UBE3A: variants seen among roughly 807,000 people sequenced by gnomAD.
The protein encoded by UBE3A is ubiquitin protein ligase E3A.
Under a neutral mutation model 83.4 loss-of-function variants are expected in UBE3A, and 6 were observed. That is an observed-to-expected ratio of 0.07 (90% CI 0.04 to 0.14). UBE3A has a LOEUF of 0.14. UBE3A is among the 10% of genes least tolerant of loss of function. The pLI is 1.00. For missense variants in UBE3A, 456 were observed against 1,036.1 expected (o/e 0.44, Z 7.69); for synonymous variants, 337 against 355.4 (o/e 0.95, Z 0.58).
intron 4 of UBE3A, among the ~76,000 whole-genome samples, chr15:25,402,011 A>G (rs1179931700): frequency 1.3e-5 from 2 of 152,096 alleles, no homozygotes; most frequent in African/African-American, 4.8e-5. Context: ...ATTACTTTGA[A>G]TTCTTTGTCA....
intron 1 of UBE3A, among the ~76,000 whole-genome samples, chr15:25,414,144 G>A (rs1411102997): frequency 6.6e-6 from 1 of 152,014 alleles, no homozygotes; most frequent in Non-Finnish European, 1.5e-5. Flanking sequence ...TACATTCAAC[G>A]TATCTAATAT....
chr15:25,368,195 CAT>C (rs1371916681), intron 6 of UBE3A, among the ~76,000 whole-genome samples: 3 of 152,084 alleles, frequency 2.0e-5, no homozygotes, highest in Non-Finnish European at 4.4e-5. Context: ...TTTGAGCTTT[CAT>C]ATGAGAGAAT....
At chr15:25,361,243 A>C (rs2078046533) in intron 6 of UBE3A, among the ~76,000 whole-genome samples, 1 of 151,252 alleles carries the variant, frequency 6.6e-6, no homozygotes, top group South Asian at 2.1e-4. Flanking sequence ...CTCCTGCCTC[A>C]GCCTCCTGAG....
At chr15:25,354,315 G>A (rs756202981) in intron 11 of UBE3A, 38 bp downstream of exon 11, 1 of 1,596,926 alleles carries the variant, frequency 6.3e-7, no homozygotes, top group South Asian at 1.1e-5. Flanking sequence ...CACCCCTTTG[G>A]TGAATCAAAT....
intron 4 of UBE3A, among the ~76,000 whole-genome samples, chr15:25,403,398 T>C (rs1241676015): frequency 6.6e-6 from 1 of 152,134 alleles, no homozygotes; most frequent in Non-Finnish European, 1.5e-5. Flanking sequence ...TACAGTAACA[T>C]ACTACCTTAT....
At chr15:25,356,937 T>C (rs774704374) in intron 7 of UBE3A, 41 bp from the exon 8 acceptor site, 6 of 1,517,370 alleles carry the variant, frequency 4.0e-6, no homozygotes, top group Non-Finnish European at 5.5e-6. Flanking sequence ...CTTTTGTATT[T>C]TATTAAGGAC....
At chr15:25,385,302 T>C (rs1234794751) in intron 4 of UBE3A, among the ~76,000 whole-genome samples, 1 of 152,192 alleles carries the variant, frequency 6.6e-6, no homozygotes, top group Non-Finnish European at 1.5e-5. Context: ...TAGTCATTTT[T>C]CCAAAGAATA....
chr15:25,374,470 T>C (rs911096218), intron 5 of UBE3A: 3 of 152,248 alleles, frequency 2.0e-5, no homozygotes, highest in African/African-American at 7.2e-5. Flanking sequence ...TGACACACTA[T>C]ATATACAGAC....
intron 1 of UBE3A, among the ~76,000 whole-genome samples, chr15:25,436,172 G>C (rs750015957): frequency 5.3e-5 from 8 of 152,168 alleles, no homozygotes; most frequent in Non-Finnish European, 1.0e-4. Flanking sequence ...TCAAAAAGCA[G>C]TCAAAAAACT....
chr15:25,430,965 T>C (rs535387214), intron 1 of UBE3A, among the ~76,000 whole-genome samples: 82 of 152,292 alleles, frequency 5.4e-4, no homozygotes, highest in African/African-American at 1.9e-3. Context: ...ATTTTTACAA[T>C]ATTTGAAATA....
chr15:25,406,535 C>T (rs2088587043), intron 3 of UBE3A, among the ~76,000 whole-genome samples: 1 of 152,014 alleles, frequency 6.6e-6, no homozygotes, highest in Non-Finnish European at 1.5e-5. Context: ...ATATTGATTT[C>T]TAACACTTAG....
intron 6 of UBE3A, among the ~76,000 whole-genome samples, chr15:25,363,988 T>C (rs943242210): frequency 2.0e-5 from 3 of 151,444 alleles, no homozygotes; most frequent in Admixed American, 6.6e-5. Context: ...GCCCAGCAGT[T>C]TGAGATCAGC....
chr15:25,375,001 T>C (rs1404565210), intron 5 of UBE3A: 1 of 197,422 alleles, frequency 5.1e-6, no homozygotes, highest in Non-Finnish European at 1.0e-5. Flanking sequence ...GAAGCATATA[T>C]CTGAAGGAAA....
chr15:25,437,307 TTAAG>T (rs1478259070), intron 1 of UBE3A, among the ~76,000 whole-genome samples: 4 of 152,216 alleles, frequency 2.6e-5, no homozygotes, highest in African/African-American at 7.2e-5. Flanking sequence ...AAATCACTTC[TTAAG>T]TAAGAGTACT....
chr15:25,389,988 A>T (rs1021044262), intron 4 of UBE3A, among the ~76,000 whole-genome samples: 8 of 152,154 alleles, frequency 5.3e-5, no homozygotes, highest in Non-Finnish European at 1.2e-4. Flanking sequence ...ATTGGCCAAC[A>T]ACCTTAACAG....
At chr15:25,375,427 T>C (rs1205618211) in intron 5 of UBE3A, 38 bp downstream of exon 5, 2 of 1,605,974 alleles carry the variant, frequency 1.2e-6, no homozygotes, top group Non-Finnish European at 1.7e-6. Context: ...CACATGGTTT[T>C]CAGGCAACAA....
chr15:25,435,525 T>G (rs1360178353), intron 1 of UBE3A, among the ~76,000 whole-genome samples: 1 of 152,168 alleles, frequency 6.6e-6, no homozygotes, highest in African/African-American at 2.4e-5. Flanking sequence ...TTGCCATCAT[T>G]AATGGAATTA....
intron 11 of UBE3A, chr15:25,354,049 C>A: frequency 2.4e-6 from 1 of 423,010 alleles, no homozygotes; most frequent in Non-Finnish European, 4.3e-6. Context: ...ACATGGTAGC[C>A]TTATTTTAAT....
intron 11 of UBE3A, among the ~76,000 whole-genome samples, chr15:25,340,968 T>C (rs958035296): frequency 1.3e-5 from 2 of 152,208 alleles, no homozygotes; most frequent in African/African-American, 4.8e-5. Flanking sequence ...TTATGTTAGT[T>C]TGAGTTCTAA....
Sources: allele counts gnomAD v4.1 joint callset (sites outside exome capture counted in the v4.1 genomes callset), GRCh38; gene constraint gnomAD v4.1.1; transcripts MANE v1.5; gene names NCBI Gene and HGNC (gene_info 2026-07-23, HGNC 2026-07-21).